Variants in TMC1 observed in about 807,000 individuals in gnomAD.
The protein encoded by TMC1 is transmembrane channel like 1.
A neutral mutation model predicts 105.8 loss-of-function variants in TMC1; 84 were observed. The observed-to-expected ratio is 0.79, with a 90% confidence interval of 0.67 to 0.95. The LOEUF is 0.95. Among genes scored for constraint, TMC1 ranks in the 40% least tolerant of loss-of-function variants. The pLI is 0.00. For missense variants in TMC1, 817 were observed against 914.1 expected (o/e 0.89, Z 1.37); for synonymous variants, 315 against 311.5 (o/e 1.01, Z -0.12).
chr9:72,826,353 G>C (rs142295551), intron 20 of TMC1, among the ~76,000 whole-genome samples: 2 of 152,166 alleles, frequency 1.3e-5, no homozygotes, highest in Non-Finnish European at 2.9e-5. Context: ...CCATGATTCG[G>C]TGTGGTTACC....
At position 72,641,978 on chromosome 9, in the gene TMC1, C is replaced by T. The variant is rs528889349; in HGVS notation, c.-52-6619C>T. On this transcript the variant is annotated intron_variant, in intron 4 of 23. Coordinates refer to ENST00000297784, the MANE Select transcript of TMC1 (RefSeq NM_138691.3). ...GATTACAGGCGTGAGCCACCACTCCCGGCTAATTTTTTGTATTTTTAGTAG... is the reference window on the plus strand; with the variant it reads ...GATTACAGGCGTGAGCCACCACTCCTGGCTAATTTTTTGTATTTTTAGTAG... Among the ~76,000 whole-genome samples, 439 of 150,962 alleles carry T rather than the reference C, an allele frequency of 2.9e-3. 7 individuals carry two copies. In the South Asian group the frequency reaches 0.051, roughly 17 times the overall value.
chr9:72,806,694 C>A (rs939929544), intron 18 of TMC1, among the ~76,000 whole-genome samples: 1 of 151,492 alleles, frequency 6.6e-6, no homozygotes, highest in Non-Finnish European at 1.5e-5. Context: ...CTCCTCACTT[C>A]CTAGATGTGA....
chr9:72,640,273 A>G (rs990386090), intron 4 of TMC1, among the ~76,000 whole-genome samples: 1 of 152,182 alleles, frequency 6.6e-6, no homozygotes. Flanking sequence ...GTTTTCTCCA[A>G]CTTAACATTT....
At chr9:72,740,804 G>A (rs984157091) in intron 9 of TMC1, among the ~76,000 whole-genome samples, 3 of 152,088 alleles carry the variant, frequency 2.0e-5, no homozygotes, top group African/African-American at 7.2e-5. Flanking sequence ...TAAGCTAAAT[G>A]TATTCCCATA....
chr9:72,571,689 A>G (rs935475362), intron 1 of TMC1, among the ~76,000 whole-genome samples: 1 of 152,012 alleles, frequency 6.6e-6, no homozygotes, highest in Admixed American at 6.6e-5. Context: ...ATCCATAAGC[A>G]ATACCGTATA....
intron 1 of TMC1, among the ~76,000 whole-genome samples, chr9:72,571,674 T>A (rs1587966154): frequency 6.6e-6 from 1 of 151,890 alleles, no homozygotes; most frequent in African/African-American, 2.4e-5. Context: ...TCTACAAATG[T>A]ATCTATCCAT....
At chr9:72,708,200 T>G (rs1253154444) in intron 8 of TMC1, among the ~76,000 whole-genome samples, 1 of 152,208 alleles carries the variant, frequency 6.6e-6, no homozygotes, top group African/African-American at 2.4e-5. Flanking sequence ...GGTAATTGGA[T>G]GCTTCCAGAT....
At chr9:72,605,717 AG>A (rs1436192562) in intron 2 of TMC1, among the ~76,000 whole-genome samples, 1 of 151,706 alleles carries the variant, frequency 6.6e-6, no homozygotes, top group African/African-American at 2.4e-5. Context: ...CTGGGATTAC[AG>A]GCATACACCA....
chr9:72,783,570 T>C (rs1828125807), intron 13 of TMC1, among the ~76,000 whole-genome samples: 1 of 152,074 alleles, frequency 6.6e-6, no homozygotes, highest in Admixed American at 6.6e-5. Flanking sequence ...CCCCTCCCAG[T>C]CCACTGACTC....
intron 8 of TMC1, among the ~76,000 whole-genome samples, chr9:72,725,522 G>C (rs557936634): frequency 6.6e-6 from 1 of 151,498 alleles, no homozygotes; most frequent in East Asian, 2.0e-4. Flanking sequence ...TCCGATATTC[G>C]AGGGCATGAA....
rs1827646107 is a variant in TMC1, at chr9:72,754,837, GC to G, written c.696del (p.Glu233LysfsTer37). The G allele has an allele frequency of 6.2e-7, 1 of 1,614,040 alleles. No individual in the cohort carries two copies. Among genetic ancestry groups the G allele is most frequent in the Non-Finnish European group, 8.5e-7 (1 of 1,180,018 alleles). On this transcript the variant is annotated frameshift_variant, in exon 12 of 24. Coordinates refer to ENST00000297784, the MANE Select transcript of TMC1 (RefSeq NM_138691.3). LOFTEE classifies it high-confidence loss of function. The part of the protein sequence containing the change: ...GSLPRKTVPR[A>X]EEASAANFGV... ...TTTACCTAGGAAAACCGTTCCCAGA[GC>G]CGAAGAGGCATCGGCAGCAAACTTT...
At chr9:72,582,288 T>C (rs1296110593) in intron 2 of TMC1, among the ~76,000 whole-genome samples, 1 of 152,242 alleles carries the variant, frequency 6.6e-6, no homozygotes, top group Admixed American at 6.5e-5. Flanking sequence ...ATGCAAAGAT[T>C]TGTAAATGTT....
At chr9:72,681,644 A>C (rs1826288340) in intron 5 of TMC1, among the ~76,000 whole-genome samples, 1 of 152,164 alleles carries the variant, frequency 6.6e-6, no homozygotes, top group Non-Finnish European at 1.5e-5. Flanking sequence ...ACGTACAATA[A>C]AAGCAGAAGG....
rs1221267542 is a variant in TMC1, at chr9:72,788,330, T to C, written c.885-9T>C. ...TCTGGCTGCTGGGTTAAACTTCCTG[T>C]TTTTGCAGAATGACCAAAAACATTG... On this transcript the variant is annotated splice_polypyrimidine_tract_variant and intron_variant, in intron 13 of 23. Coordinates refer to ENST00000297784, the MANE Select transcript of TMC1 (RefSeq NM_138691.3). 1.2e-6 allele frequency: 2 copies of C among 1,613,850 alleles called. No individual in the cohort carries two copies. The highest frequency in any genetic ancestry group is 4.5e-5 in the East Asian group (2 of 44,882).
chr9:72,820,806 G>C (rs764657906), intron 19 of TMC1, 36 bp from the exon 20 acceptor site: 3 of 1,613,098 alleles, frequency 1.9e-6, no homozygotes, highest in Admixed American at 3.3e-5. Flanking sequence ...ATGGAGTAAA[G>C]ACTCAAAACT....
At chr9:72,658,443 C>T (rs1825917647) in intron 5 of TMC1, among the ~76,000 whole-genome samples, 1 of 152,104 alleles carries the variant, frequency 6.6e-6, no homozygotes, top group East Asian at 1.9e-4. Context: ...AGTGCAGGCC[C>T]TGACATACGG....
intron 2 of TMC1, among the ~76,000 whole-genome samples, chr9:72,579,180 T>C (rs942981691): frequency 3.3e-5 from 5 of 152,252 alleles, no homozygotes; most frequent in Non-Finnish European, 7.3e-5. Context: ...CAAGTCATTG[T>C]AACCTAAGTA....
intron 3 of TMC1, among the ~76,000 whole-genome samples, chr9:72,619,775 T>G (rs1305808365): frequency 6.6e-6 from 1 of 151,830 alleles, no homozygotes; most frequent in African/African-American, 2.4e-5. Context: ...GATTTGATCC[T>G]CCAGGTAGGA....
Position 72,789,279 on chromosome 9 carries a change from C to G in TMC1, c.1186C>G (p.Gln396Glu), listed in dbSNP as rs1489012382. The change falls in exon 15 of 24, where the codon CAA (glutamine) becomes GAA (glutamate). Residue 396 changes from glutamine (Q) to glutamate (E), a missense_variant. By Grantham distance (29) the Gln-to-Glu change is conservative. Coordinates refer to ENST00000297784, the MANE Select transcript of TMC1 (RefSeq NM_138691.3). ...GAAGCGATCCCAGGAATTTGCACAG[C>G]AAGATCCTGACACCCTTGGGTGGTG... ...AVKRSQEFAQ[Q>E]DPDTLGWWEK... is the part of the protein sequence containing the mutation. 6.2e-7 allele frequency: 1 copy of G among 1,613,952 alleles called. No individual in the cohort carries two copies. Among genetic ancestry groups the G allele is most frequent in the Non-Finnish European group, 8.5e-7 (1 of 1,179,952 alleles).
Sources: gnomAD v4.1 joint callset for allele counts (sites outside exome capture counted in the v4.1 genomes callset) on GRCh38, gnomAD v4.1.1 for gene constraint, MANE v1.5 for transcripts, NCBI Gene and HGNC (gene_info 2026-07-23, HGNC 2026-07-21) for gene names.